Variants in REV3L observed in about 807,000 individuals in gnomAD.
REV3L encodes REV3 like, DNA directed polymerase zeta catalytic subunit, also known as DNA polymerase zeta catalytic subunit.
REV3L carries 69 observed loss-of-function variants against 299.4 expected under a neutral mutation model. That is an observed-to-expected ratio of 0.23 (90% confidence interval 0.19 to 0.28). The LOEUF (loss-of-function observed/expected upper bound fraction) is 0.28. Among genes scored for constraint, REV3L ranks in the 10% least tolerant of loss-of-function variants. The pLI is 1.00. For missense variants in REV3L, 3,128 were observed against 3,693.8 expected (o/e 0.85, Z 3.97); for synonymous variants, 1,238 against 1,271.4 (o/e 0.97, Z 0.56).
At position 111,358,901 on chromosome 6, in the gene REV3L, G is replaced by A; in HGVS notation, c.6993C>T (p.Asp2331=). Residue 2331 remains aspartate, a synonymous_variant, in exon 17 of 32, where the codon GAC becomes GAT. Transcript: ENST00000368802. ...ICALFYCISS[D]TPLPDTEKTE... is the part of the protein sequence containing the mutation. Reference sequence around the variant, plus strand: ...TTTTTTCTGTATCTGGCAGTGGAGTGTCAGATGAGATGCAGTAGAACAGAG... The same window carrying A: ...TTTTTTCTGTATCTGGCAGTGGAGTATCAGATGAGATGCAGTAGAACAGAG... 1 of 1,614,066 alleles carries A rather than the reference G, an allele frequency of 6.2e-7. No individual in the cohort carries two copies. The highest frequency in any genetic ancestry group is 8.5e-7 in the Non-Finnish European group (1 of 1,179,986).
chr6:111,315,953 C>G (rs898433481), intron 26 of REV3L, among the ~76,000 whole-genome samples: 1 of 152,190 alleles, frequency 6.6e-6, no homozygotes, highest in Non-Finnish European at 1.5e-5. Context: ...TTGGGGACTG[C>G]TGTGGTCCAG....
In REV3L at chr6:111,373,158, T is replaced by C. The variant is rs1171520032; in HGVS notation, c.5197A>G (p.Ile1733Val). The change falls in exon 13 of 32, where the codon ATA becomes GTA. Residue 1733 changes from isoleucine (I) to valine (V), a missense_variant. Ile to Val is a conservative substitution (Grantham distance 29). Around this residue, in one of 9 missense-constraint regions of REV3L, gnomAD observed 2,409 missense variants for 2,611.8 expected, o/e 0.92. Coordinates refer to ENST00000368802, the MANE Select transcript of REV3L (RefSeq NM_001372078.1). The part of the protein sequence containing the change: ...LSPEIFEKST[I>V]DSNENRRHNQ... ...TGGCGACGATTCTCATTGCTATCTA[T>C]GGTTGACTTCTCAAAAATTTCAGGA... 10 of 1,614,046 alleles carry C rather than the reference T, an allele frequency of 6.2e-6. No homozygotes were observed. Among genetic ancestry groups the C allele is most frequent in the Admixed American group, 1.7e-5 (1 of 60,000 alleles).
chr6:111,389,089 C>T lies in REV3L; in HGVS notation c.862+17G>A, dbSNP rs559151077. 1.6e-5 allele frequency: 24 copies of T among 1,533,032 alleles called. No homozygotes were observed. The East Asian group carries it at 4.7e-4, about 30-fold the overall frequency. The allele number at this position is 1,533,032 out of a possible 1,614,324, so 95.0% of individuals were successfully genotyped here. ...ACTTGATTTAAAAGAATAATCAGAGCACTATTAGGTTTATACCTTGTGACT... is the reference window on the plus strand; with the variant it reads ...ACTTGATTTAAAAGAATAATCAGAGTACTATTAGGTTTATACCTTGTGACT... On this transcript the variant is annotated intron_variant, in intron 7 of 31. Coordinates refer to ENST00000368802, the MANE Select transcript of REV3L (RefSeq NM_001372078.1).
chr6:111,422,609 TATACACATATATATATATATACAC>T (rs1582930127), intron 1 of REV3L, among the ~76,000 whole-genome samples: 2 of 19,354 alleles, frequency 1.0e-4, no homozygotes, highest in Non-Finnish European at 2.5e-4. Context: ...TATATATATA[TATACACATATATATATATATACAC>T]ATATATATAT....
At chr6:111,420,073 C>T (rs1487936801) in intron 1 of REV3L, among the ~76,000 whole-genome samples, 1 of 152,168 alleles carries the variant, frequency 6.6e-6, no homozygotes, top group African/African-American at 2.4e-5. Flanking sequence ...TCTCGATCTC[C>T]TGACCTCATG....
At chr6:111,467,078 A>G (rs1562358099) in intron 1 of REV3L, among the ~76,000 whole-genome samples, 1 of 152,254 alleles carries the variant, frequency 6.6e-6, no homozygotes, top group East Asian at 1.9e-4. Flanking sequence ...ATGCCCCACT[A>G]ATCACTTAAG....
At chr6:111,376,797 C>G in intron 12 of REV3L, 40 bp from the exon 13 acceptor site, 1 of 1,452,642 alleles carries the variant, frequency 6.9e-7, no homozygotes, top group Non-Finnish European at 9.1e-7. Context: ...TCATTTTACT[C>G]TTTTAATTTT....
chr6:111,338,306 A>G (rs1050409319), intron 21 of REV3L, among the ~76,000 whole-genome samples: 2 of 72,296 alleles, frequency 2.8e-5, no homozygotes, highest in African/African-American at 1.0e-4. Flanking sequence ...ACTCCAGTCT[A>G]AAGTCCTTTT....
At chr6:111,467,265 C>G (rs1375632115) in intron 1 of REV3L, among the ~76,000 whole-genome samples, 1 of 152,230 alleles carries the variant, frequency 6.6e-6, no homozygotes, top group Admixed American at 6.5e-5. Context: ...TACTTCATGT[C>G]AGATGTGGCA....
At chr6:111,344,247 T>A (rs1165288745) in intron 20 of REV3L, among the ~76,000 whole-genome samples, 1 of 152,232 alleles carries the variant, frequency 6.6e-6, no homozygotes, top group African/African-American at 2.4e-5. Context: ...TGGAAAATTA[T>A]TTAATTAGAG....
chr6:111,482,760 C>G lies in REV3L; in HGVS notation c.129G>C (p.Ala43=), dbSNP rs1230988564. The G allele has an allele frequency of 3.5e-6, 5 of 1,443,618 alleles. No homozygotes were observed. Among genetic ancestry groups the G allele is most frequent in the Non-Finnish European group, 4.6e-6 (5 of 1,092,670 alleles). The allele number at this position is 1,443,618 out of a possible 1,614,324, so 89.4% of individuals were successfully genotyped here. Residue 43 remains alanine (A), a synonymous_variant, in exon 1 of 32, where the codon GCG becomes GCC. Transcript: ENST00000368802. ...CCGGCGCCCGCTTACCTGCCGGGGT[C>G]GCTCCGAAGACTCGCACCACCGGCA... ...KKVPVVRVFG[A]TPAGQKTCLH...
chr6:111,390,243 T>C, intron 5 of REV3L, 63 bp from the exon 6 acceptor site: 1 of 1,000,192 alleles, frequency 1.0e-6, no homozygotes, highest in East Asian at 2.5e-5. Context: ...AACATTTTTC[T>C]TACTTATACA....
At chr6:111,337,382 T>C (rs1029124599) in intron 21 of REV3L, among the ~76,000 whole-genome samples, 6 of 152,266 alleles carry the variant, frequency 3.9e-5, no homozygotes, top group Admixed American at 3.3e-4. Context: ...ATATACTGAC[T>C]CCCCATATTT....
At position 111,392,992 on chromosome 6, in the gene REV3L, A is replaced by T; in HGVS notation, c.566-20T>A. The T allele has an allele frequency of 6.6e-7, 1 of 1,505,470 alleles. No individual in the cohort carries two copies. Among genetic ancestry groups the T allele is most frequent in the Non-Finnish European group, 9.2e-7 (1 of 1,087,868 alleles). The allele number at this position is 1,505,470 out of a possible 1,614,324, so 93.3% of individuals were successfully genotyped here. A position where few individuals can be genotyped will look rare whatever the true frequency, so the allele number is the denominator to read the frequency against. ...TATTACCTAGGAATAGAAAGGTAAA[A>T]GGAATAAATTCTACTTTCAATTTTC... On this transcript the variant is annotated intron_variant, in intron 4 of 31. Coordinates refer to ENST00000368802, the MANE Select transcript of REV3L (RefSeq NM_001372078.1).
At chr6:111,449,967 A>C (rs1398440434) in intron 1 of REV3L, among the ~76,000 whole-genome samples, 1 of 152,156 alleles carries the variant, frequency 6.6e-6, no homozygotes, top group Non-Finnish European at 1.5e-5. Context: ...TATGTTCAAG[A>C]AGTAGAAGAA....
At chr6:111,363,815 T>C in intron 16 of REV3L, 38 bp downstream of exon 16, 2 of 1,594,806 alleles carry the variant, frequency 1.3e-6, no homozygotes, top group Non-Finnish European at 1.7e-6. Context: ...GGAGTTAAAC[T>C]GAACACAATG....
intron 1 of REV3L, among the ~76,000 whole-genome samples, chr6:111,427,175 A>C (rs1786274871): frequency 6.6e-6 from 1 of 152,246 alleles, no homozygotes; most frequent in Admixed American, 6.5e-5. Context: ...TCAAATGCAA[A>C]TAAATAAAAT....
chr6:111,440,555 T>C (rs1342087353), intron 1 of REV3L, among the ~76,000 whole-genome samples: 2 of 152,214 alleles, frequency 1.3e-5, no homozygotes, highest in African/African-American at 2.4e-5. Flanking sequence ...ATAAAATTGC[T>C]GCCATTAATT....
chr6:111,431,380 T>C (rs760655531), intron 1 of REV3L: 151 of 963,998 alleles, frequency 1.6e-4, no homozygotes, highest in Non-Finnish European at 2.2e-4. Context: ...GACAGGCTCA[T>C]AGCGCTGAAA....
Sources: gnomAD v4.1 joint callset for allele counts (sites outside exome capture counted in the v4.1 genomes callset) on GRCh38, gnomAD v4.1.1 for gene constraint, gnomAD v4.1.1 regional missense constraint, MANE v1.5 for transcripts, NCBI Gene and HGNC (gene_info 2026-07-23, HGNC 2026-07-21) for gene names.